SMIM21: variants seen among roughly 807,000 people sequenced by gnomAD.
SMIM21 encodes the protein small integral membrane protein 21.
In SMIM21, 8 loss-of-function variants were observed where a neutral mutation model predicts 8.6. The ratio of observed to expected loss-of-function variants is 0.93; its 90% CI spans 0.55 to 1.68. The LOEUF (loss-of-function observed/expected upper bound fraction) is 1.68. SMIM21 is among the 40% of genes most tolerant of loss of function. The pLI is 0.00. For synonymous variants in SMIM21, 43 were observed against 41.7 expected, an observed-to-expected ratio of 1.03 and a Z score of -0.12; for missense variants, 132 against 123.0, an observed-to-expected ratio of 1.07 and a Z score of -0.35.
At chr18:75,413,417 G>A (rs1178554297) in intron 2 of SMIM21, among the ~76,000 whole-genome samples, 2 of 152,166 alleles carry the variant, frequency 1.3e-5, no homozygotes, top group African/African-American at 4.8e-5. Context: ...CTTGTATCTG[G>A]AGAAGACACG....
At chr18:75,415,406 C>T (rs150401874) in intron 2 of SMIM21, among the ~76,000 whole-genome samples, 1 of 152,188 alleles carries the variant, frequency 6.6e-6, no homozygotes, top group Non-Finnish European at 1.5e-5. Context: ...GCTCCCCAGC[C>T]AGAGGGAGAG....
chr18:75,413,579 A>T (rs531483380), intron 2 of SMIM21, among the ~76,000 whole-genome samples: 1 of 152,336 alleles, frequency 6.6e-6, no homozygotes, highest in African/African-American at 2.4e-5. Context: ...CAGGACACAT[A>T]AGGCCATTCG....
At chr18:75,420,300 G>A (rs1366037566) in intron 1 of SMIM21, among the ~76,000 whole-genome samples, 2 of 152,138 alleles carry the variant, frequency 1.3e-5, no homozygotes, top group Non-Finnish European at 2.9e-5. Flanking sequence ...GAGAAAGGTG[G>A]GACTTCTTAA....
At chr18:75,425,873 AG>A (rs1361174434) in intron 1 of SMIM21, among the ~76,000 whole-genome samples, 1 of 152,224 alleles carries the variant, frequency 6.6e-6, no homozygotes, top group Non-Finnish European at 1.5e-5. Context: ...GGACAGGGAC[AG>A]TCTCTGTATC....
In SMIM21 at chr18:75,426,279, TTTTA is replaced by T. The variant is rs1223106060; in HGVS notation, c.129+1152_129+1155del. Reference sequence around the variant, plus strand: ...GACTGAAGAACTTTAAGACCATTACTTTTATTTATTTATTTGTTTGTTTGTTTGT... The same window carrying T: ...GACTGAAGAACTTTAAGACCATTACTTTTATTTATTTGTTTGTTTGTTTGT... On this transcript the variant is annotated intron_variant, in intron 1 of 2. Transcript: ENST00000579022. Among the ~76,000 whole-genome samples the T allele has an allele frequency of 2.5e-3, 373 of 148,738 alleles. 3 individuals carry two copies. Among genetic ancestry groups the T allele is most frequent in the Non-Finnish European group, 2.9e-3 (195 of 66,782 alleles).
At chr18:75,426,631 T>TAAAAAAAAAAAAA (rs777676195) in intron 1 of SMIM21, among the ~76,000 whole-genome samples, 15 of 89,254 alleles carry the variant, frequency 1.7e-4, no homozygotes, top group Non-Finnish European at 2.3e-4. Context: ...TTTTAAAATG[T>TAAAAAAAAAAAAA]AAAAAAAAAA....
chr18:75,413,528 C>T (rs374393265), intron 2 of SMIM21, among the ~76,000 whole-genome samples: 13 of 152,296 alleles, frequency 8.5e-5, no homozygotes, highest in Non-Finnish European at 1.9e-4. Flanking sequence ...GTACTTAAAC[C>T]CTTTAATGAT....
rs567392134 is a variant in SMIM21, at chr18:75,409,961, T to A, written c.*903A>T. 8.5e-5 allele frequency: 13 copies of A among 152,722 alleles called. No individual in the cohort carries two copies. Among genetic ancestry groups the A allele is most frequent in the Non-Finnish European group, 1.6e-4 (11 of 68,078 alleles). The allele number at this position is 152,722 out of a possible 1,614,324, so 9.5% of individuals were successfully genotyped here. ...GCAGGGCTCACCTCGTCAAGGACTTTGCAGCCGCCTTAACTTTGAGTCTCC... is the reference window on the plus strand; with the variant it reads ...GCAGGGCTCACCTCGTCAAGGACTTAGCAGCCGCCTTAACTTTGAGTCTCC... On this transcript the variant is annotated 3_prime_UTR_variant, in exon 3 of 3. Transcript: ENST00000579022.
chr18:75,417,963 G>A (rs542622797), intron 2 of SMIM21: 1 of 365,642 alleles, frequency 2.7e-6, no homozygotes, highest in African/African-American at 2.1e-5. Flanking sequence ...TATTCCTAGG[G>A]TATTTGGTAG....
In SMIM21 at chr18:75,410,732, C is replaced by G. The variant is rs930916503; in HGVS notation, c.*132G>C. On this transcript the variant is annotated 3_prime_UTR_variant, in exon 3 of 3. Transcript: ENST00000579022. ...AAAAGTTACACGTTCTTCATTCTCT[C>G]TGTGGAGCTCCTTTTAAAAAGTGAG... 5 of 1,496,710 alleles carry G rather than the reference C, an allele frequency of 3.3e-6. No individual in the cohort carries two copies. In the African/African-American group the frequency reaches 5.7e-5, roughly 17 times the overall value. The allele number at this position is 1,496,710 out of a possible 1,614,324, so 92.7% of individuals were successfully genotyped here. A position where few individuals can be genotyped will look rare whatever the true frequency, so the allele number is the denominator to read the frequency against.
Position 75,414,075 on chromosome 18 carries a change from T to TCA in SMIM21, c.261-3168_261-3167dup, listed in dbSNP as rs74180809. On this transcript the variant is annotated intron_variant, in intron 2 of 2. Coordinates refer to ENST00000579022, the MANE Select transcript of SMIM21 (RefSeq NM_001037331.3). Reference sequence around the variant, plus strand: ...GCCTAGGAGTCTCTCTCTCTCTGTCTCACACACACACACACACACACATAC... The same window carrying TCA: ...GCCTAGGAGTCTCTCTCTCTCTGTCTCACACACACACACACACACACACATAC... Among the ~76,000 whole-genome samples the TCA allele has an allele frequency of 5.0e-3, 631 of 126,130 alleles. 3 individuals carry two copies. The highest frequency in any genetic ancestry group is 0.012 in the African/African-American group (450 of 36,526). 82.7% of individuals were successfully genotyped at this position (126,130 alleles called of 152,430 possible). A position where few individuals can be genotyped will look rare whatever the true frequency, so the allele number is the denominator to read the frequency against.
chr18:75,414,519 G>A (rs1200037597), intron 2 of SMIM21, among the ~76,000 whole-genome samples: 2 of 152,134 alleles, frequency 1.3e-5, no homozygotes, highest in East Asian at 1.9e-4. Context: ...GGAAAGATGG[G>A]TCAAGGAGAA....
chr18:75,424,409 C>T (rs2024740258), intron 1 of SMIM21, among the ~76,000 whole-genome samples: 1 of 152,082 alleles, frequency 6.6e-6, no homozygotes, highest in Non-Finnish European at 1.5e-5. Flanking sequence ...GTAATTAACT[C>T]AGAGGAGGGA....
chr18:75,412,505 T>C (rs2024594764), intron 2 of SMIM21: 2 of 152,134 alleles, frequency 1.3e-5, no homozygotes, highest in African/African-American at 4.8e-5. Flanking sequence ...GTGGAAAGAG[T>C]GCTATTCTGA....
intron 1 of SMIM21, chr18:75,419,154 A>G (rs2024683476): frequency 3.3e-6 from 1 of 301,268 alleles, no homozygotes; most frequent in Non-Finnish European, 6.1e-6. Flanking sequence ...TAGAATTTTA[A>G]GTATCAGTGT....
chr18:75,418,647 C>T (rs1344537646), intron 2 of SMIM21, 139 bp downstream of exon 2: 1 of 727,934 alleles, frequency 1.4e-6, no homozygotes, highest in Non-Finnish European at 2.1e-6. Context: ...AGCTACCCAG[C>T]ATGTGCACTC....
intron 2 of SMIM21, chr18:75,416,427 A>G (rs1365917289): frequency 6.6e-6 from 1 of 152,206 alleles, no homozygotes; most frequent in African/African-American, 2.4e-5. Flanking sequence ...ATTAATAGTC[A>G]GTTGTAAATG....
intron 1 of SMIM21, among the ~76,000 whole-genome samples, chr18:75,421,328 A>G (rs1294660667): frequency 6.6e-6 from 1 of 152,206 alleles, no homozygotes. Flanking sequence ...TTAATTTGGG[A>G]AACACTTGAT....
chr18:75,426,456 C>T (rs2024763061), intron 1 of SMIM21, among the ~76,000 whole-genome samples: 1 of 151,460 alleles, frequency 6.6e-6, no homozygotes, highest in Non-Finnish European at 1.5e-5. Context: ...ACTACAAGTG[C>T]CCGCCACCAC....
Sources: allele counts gnomAD v4.1 joint callset (sites outside exome capture counted in the v4.1 genomes callset), GRCh38; gene constraint gnomAD v4.1.1; transcripts MANE v1.5; gene names NCBI Gene and HGNC (gene_info 2026-07-23, HGNC 2026-07-21).